Variants in SAG observed in about 807,000 individuals in gnomAD.
SAG encodes the protein S-antigen visual arrestin, also known as S-arrestin.
A neutral mutation model predicts 55.0 loss-of-function variants in SAG; 45 were observed. The ratio of observed to expected loss-of-function variants is 0.82; its 90% CI spans 0.64 to 1.05. The LOEUF is 1.05. Among genes scored for constraint, SAG ranks in the 50% least tolerant of loss-of-function variants. SAG has a pLI of 0.00. For synonymous variants in SAG, 189 were observed against 197.4 expected (o/e 0.96, Z 0.36); for missense variants, 455 against 512.1 (o/e 0.89, Z 1.08).
At chr2:233,311,114 T>C (rs1405616977) in intron 2 of SAG, among the ~76,000 whole-genome samples, 1 of 152,108 alleles carries the variant, frequency 6.6e-6, no homozygotes, top group African/African-American at 2.4e-5. Context: ...TGTAGATAAG[T>C]CCTCACAGGT....
At chr2:233,325,094 C>T (rs1176509622) in intron 6 of SAG, among the ~76,000 whole-genome samples, 8 of 151,782 alleles carry the variant, frequency 5.3e-5, no homozygotes, top group Non-Finnish European at 4.4e-5. Flanking sequence ...GGCATGGTGG[C>T]GCGTGCCTGT....
intron 6 of SAG, among the ~76,000 whole-genome samples, chr2:233,324,420 A>C (rs61663609): frequency 0.073 from 11,181 of 152,226 alleles, 503 homozygotes; most frequent in Admixed American, 0.11. Context: ...AAACAAAAAA[A>C]GTGGGAAGCT....
intron 10 of SAG, chr2:233,332,606 C>CA (rs1700801372): frequency 6.6e-6 from 1 of 152,108 alleles, no homozygotes. Context: ...TCTCCTGACT[C>CA]AGTCTCCCAA....
At chr2:233,314,888 G>A (rs887184178) in intron 2 of SAG, among the ~76,000 whole-genome samples, 8 of 152,118 alleles carry the variant, frequency 5.3e-5, no homozygotes, top group East Asian at 1.9e-4. Context: ...ATATTCATTC[G>A]AAGAAGGGGG....
At chr2:233,316,303 AT>A (rs1277991357) in intron 3 of SAG, among the ~76,000 whole-genome samples, 168 bp downstream of exon 3, 1 of 151,712 alleles carries the variant, frequency 6.6e-6, no homozygotes, top group East Asian at 1.9e-4. Context: ...ATTTATTTTT[AT>A]TTTTATTTTT....
chr2:233,324,346 C>T (rs1390684554), intron 6 of SAG, among the ~76,000 whole-genome samples: 1 of 152,152 alleles, frequency 6.6e-6, no homozygotes, highest in Non-Finnish European at 1.5e-5. Flanking sequence ...GAGCTGTGAT[C>T]ATGCCACTGC....
At chr2:233,312,606 G>T (rs1054191009) in intron 2 of SAG, among the ~76,000 whole-genome samples, 42 of 152,152 alleles carry the variant, frequency 2.8e-4, no homozygotes, top group Admixed American at 1.4e-3. Context: ...GTCTTCTGAG[G>T]TTCTTTAGGG....
At chr2:233,335,175 G>A in intron 11 of SAG, 76 bp downstream of exon 11, 2 of 1,535,192 alleles carry the variant, frequency 1.3e-6, no homozygotes. Context: ...ACATCACCCT[G>A]CTGGGCTCGC....
Position 233,326,779 on chromosome 2 carries a change from G to A in SAG, c.436-342G>A, listed in dbSNP as rs374084021. Among the ~76,000 whole-genome samples the A allele has an allele frequency of 4.6e-5, 7 of 152,254 alleles. No homozygotes were observed. In the South Asian group the frequency reaches 1.4e-3, roughly 32 times the overall value. ...TGCTGTAGGCAGTGGAAGTCAGTAA[G>A]ATGCATGGGATCACAGTTGGGGACA... is the stretch of plus-strand genomic sequence containing the variant. On this transcript the variant is annotated intron_variant, in intron 6 of 15. Transcript: ENST00000409110.
intron 3 of SAG, among the ~76,000 whole-genome samples, chr2:233,318,091 A>G (rs904722853): frequency 5.9e-5 from 9 of 152,128 alleles, no homozygotes; most frequent in African/African-American, 2.2e-4. Flanking sequence ...CCCCTACCTC[A>G]GCCTCTCACA....
chr2:233,318,677 C>T (rs555313213), intron 3 of SAG, 74 bp from the exon 4 acceptor site: 61 of 1,238,900 alleles, frequency 4.9e-5, no homozygotes, highest in South Asian at 3.2e-4. Context: ...TAAAAACATG[C>T]GCAGTTTTTA....
chr2:233,335,808 C>G (rs1700907354), intron 11 of SAG, among the ~76,000 whole-genome samples: 1 of 152,244 alleles, frequency 6.6e-6, no homozygotes, highest in Non-Finnish European at 1.5e-5. Context: ...GCTTCCCTTC[C>G]CGGGAGCATG....
chr2:233,331,527 AG>A lies in SAG; in HGVS notation c.734-110del. 4 of 747,412 alleles carry A rather than the reference AG, an allele frequency of 5.4e-6. No homozygotes were observed. In the South Asian group the frequency reaches 5.9e-5, roughly 11 times the overall value. The allele number at this position is 747,412 out of a possible 1,614,324, so 46.3% of individuals were successfully genotyped here. A position where few individuals can be genotyped will look rare whatever the true frequency, so the allele number is the denominator to read the frequency against. On this transcript the variant is annotated intron_variant, in intron 9 of 15. Coordinates refer to ENST00000409110, the MANE Select transcript of SAG (RefSeq NM_000541.5). ...TGAGAAAGCCTAGCCTTGGAAGTGG[AG>A]GGAAACCATCATCAGAGAGGAGAGA...
At position 233,340,349 on chromosome 2, in the gene SAG, G is replaced by T. The variant is rs1289705078; in HGVS notation, c.1023-106G>T. ...GAAGACCCTGGATGTTGTGAGTTCG[G>T]GTGCAAGGGCCATGAGAGCTGGGCT... On this transcript the variant is annotated intron_variant, in intron 12 of 15. Transcript: ENST00000409110. The surrounding 1 kb of genome is among the most constrained non-coding windows in gnomAD (Gnocchi z 4.2). The T allele has an allele frequency of 3.4e-6, 3 of 887,680 alleles. No homozygotes were observed. Among genetic ancestry groups the T allele is most frequent in the Admixed American group, 2.1e-5 (1 of 47,348 alleles). The allele number at this position is 887,680 out of a possible 1,614,324, so 55.0% of individuals were successfully genotyped here.
chr2:233,317,643 A>T (rs1355180501), intron 3 of SAG, among the ~76,000 whole-genome samples: 1 of 152,268 alleles, frequency 6.6e-6, no homozygotes, highest in Non-Finnish European at 1.5e-5. Flanking sequence ...ATAAAGACAT[A>T]TGTATAAGGA....
At chr2:233,337,797 C>G (rs1361050238) in intron 11 of SAG, among the ~76,000 whole-genome samples, 2 of 152,178 alleles carry the variant, frequency 1.3e-5, no homozygotes, top group Non-Finnish European at 2.9e-5. Flanking sequence ...TTTTTGTTAG[C>G]ATTTCATGAT....
chr2:233,317,583 A>G (rs191105257), intron 3 of SAG, among the ~76,000 whole-genome samples: 1 of 152,378 alleles, frequency 6.6e-6, no homozygotes, highest in Non-Finnish European at 1.5e-5. Flanking sequence ...GCATGTTATC[A>G]AAAGCCAAAT....
chr2:233,334,907 T>C (rs1700872733), intron 10 of SAG, 55 bp from the exon 11 acceptor site: 17 of 1,596,338 alleles, frequency 1.1e-5, no homozygotes, highest in Non-Finnish European at 1.4e-5. Flanking sequence ...TAGGGGCTCA[T>C]GGGGTCCATG....
chr2:233,327,205 T>C lies in SAG; in HGVS notation c.512+8T>C, dbSNP rs751901846. The C allele has an allele frequency of 3.7e-6, 6 of 1,611,014 alleles. No homozygotes were observed. The East Asian group carries it at 1.3e-4, about 36-fold the overall frequency. On this transcript the variant is annotated splice_region_variant and intron_variant, in intron 7 of 15. Transcript: ENST00000409110. ...GGACAAAATCCCCAAGAAGTAAGAG[T>C]ATGGTTGCGGAATAGGTGAGGGGTC...
Sources: allele counts gnomAD v4.1 joint callset (sites outside exome capture counted in the v4.1 genomes callset), GRCh38; gene constraint gnomAD v4.1.1; non-coding constraint Gnocchi (gnomAD v3.1); transcripts MANE v1.5; gene names NCBI Gene and HGNC (gene_info 2026-07-23, HGNC 2026-07-21).